ME1: variants seen among roughly 807,000 people sequenced by gnomAD.
ME1 encodes malic enzyme 1.
In ME1, 74 loss-of-function variants were observed where a neutral mutation model predicts 66.4. The ratio of observed to expected loss-of-function variants is 1.11; its 90% CI spans 0.92 to 1.35. The LOEUF is 1.35. ME1 is among the 40% of genes most tolerant of loss of function. The pLI, the probability that ME1 is intolerant of heterozygous loss-of-function variation, is 0.00. For missense variants in ME1, 750 were observed against 694.1 expected (o/e 1.08, Z -0.90); for synonymous variants, 251 against 235.6 (o/e 1.07, Z -0.60).
At chr6:83,348,864 C>T (rs1487788223) in intron 4 of ME1, among the ~76,000 whole-genome samples, 1 of 150,736 alleles carries the variant, frequency 6.6e-6, no homozygotes, top group African/African-American at 2.4e-5. Flanking sequence ...GGCGAGTAGC[C>T]TCCCAGCTAC....
intron 3 of ME1, among the ~76,000 whole-genome samples, chr6:83,396,192 C>T (rs867847691): frequency 6.6e-6 from 1 of 152,060 alleles, no homozygotes; most frequent in Middle Eastern, 3.4e-3. Context: ...GGTGAAACCC[C>T]ATCTCTACCA....
At chr6:83,419,184 T>C (rs554143524) in intron 1 of ME1, among the ~76,000 whole-genome samples, 1 of 152,318 alleles carries the variant, frequency 6.6e-6, no homozygotes, top group Non-Finnish European at 1.5e-5. Context: ...CATAAAAATG[T>C]TGTGAGTTTA....
At chr6:83,394,227 T>C (rs1286819450) in intron 3 of ME1, among the ~76,000 whole-genome samples, 1 of 152,080 alleles carries the variant, frequency 6.6e-6, no homozygotes, top group Admixed American at 6.5e-5. Flanking sequence ...GGATATGTGC[T>C]ATTAATGTAG....
intron 6 of ME1, among the ~76,000 whole-genome samples, chr6:83,274,795 C>T (rs1020810767): frequency 6.6e-6 from 1 of 152,170 alleles, no homozygotes; most frequent in African/African-American, 2.4e-5. Context: ...AAGAGATGCA[C>T]ATCACGATCA....
chr6:83,294,096 T>C (rs1042378530), intron 6 of ME1, among the ~76,000 whole-genome samples: 1 of 152,226 alleles, frequency 6.6e-6, no homozygotes, highest in African/African-American at 2.4e-5. Context: ...ATATTAAATA[T>C]GGGACATGGA....
At chr6:83,286,240 T>C (rs905702110) in intron 6 of ME1, among the ~76,000 whole-genome samples, 2 of 152,106 alleles carry the variant, frequency 1.3e-5, no homozygotes, top group Admixed American at 6.6e-5. Flanking sequence ...AGATAAATAA[T>C]TGTAAGTATC....
chr6:83,281,744 T>A (rs936442145), intron 6 of ME1, among the ~76,000 whole-genome samples: 1 of 130,586 alleles, frequency 7.7e-6, no homozygotes, highest in African/African-American at 3.0e-5. Context: ...AAACAGAAGT[T>A]GCAGTGAGCC....
At chr6:83,242,359 A>T (rs1452761626) in intron 7 of ME1, among the ~76,000 whole-genome samples, 2 of 152,230 alleles carry the variant, frequency 1.3e-5, no homozygotes, top group Non-Finnish European at 2.9e-5. Context: ...TCTGGTTAAA[A>T]TTACCATATA....
rs374491049 is a variant in ME1 at position 83,262,013 on chromosome 6, C to CAA, written c.705-8277_705-8276dup. 2.0e-3 allele frequency among the ~76,000 whole-genome samples: 154 copies of CAA among 77,048 alleles called. 2 individuals carry two copies. Among genetic ancestry groups the CAA allele is most frequent in the Middle Eastern group, 7.0e-3 (1 of 142 alleles). The allele number at this position is 77,048 out of a possible 152,430, so 50.5% of individuals were successfully genotyped here. Reference sequence around the variant, plus strand: ...TGGGCAACAGAGCGAGAATCCATCTCAAAAAAAAAAAAAAAAAGAAAAAAG... The same window carrying CAA: ...TGGGCAACAGAGCGAGAATCCATCTCAAAAAAAAAAAAAAAAAAAGAAAAAAG... On this transcript the variant is annotated intron_variant, in intron 6 of 13. Transcript: ENST00000369705.
intron 6 of ME1, among the ~76,000 whole-genome samples, chr6:83,313,792 C>T (rs1343159138): frequency 6.6e-6 from 1 of 152,026 alleles, no homozygotes; most frequent in Non-Finnish European, 1.5e-5. Context: ...TCAACTATTT[C>T]TATAAATAAG....
chr6:83,283,418 T>C (rs1344758904), intron 6 of ME1, among the ~76,000 whole-genome samples: 2 of 151,244 alleles, frequency 1.3e-5, no homozygotes, highest in African/African-American at 4.9e-5. Flanking sequence ...CCAGGACCTC[T>C]CATGGGGTGG....
chr6:83,392,359 G>A, intron 3 of ME1: 1 of 518,270 alleles, frequency 1.9e-6, no homozygotes, highest in Non-Finnish European at 3.8e-6. Context: ...GCACCGTCAA[G>A]GCTGAGAACA....
intron 6 of ME1, among the ~76,000 whole-genome samples, chr6:83,281,806 C>CAAAAAAAAAAAAAAAAAAAAAAAA (rs140157932): frequency 8.3e-4 from 11 of 13,286 alleles, no homozygotes; most frequent in Admixed American, 1.5e-3. Flanking sequence ...ACTCTGTCTC[C>CAAAAAAAAAAAAAAAAAAAAAAAA]AAAAAAAAAA....
chr6:83,316,334 A>G (rs1034912825), intron 5 of ME1, among the ~76,000 whole-genome samples: 1 of 152,182 alleles, frequency 6.6e-6, no homozygotes, highest in Non-Finnish European at 1.5e-5. Flanking sequence ...CTTTTATTAA[A>G]TCAGTTTTGA....
At chr6:83,345,150 C>A (rs1768663733) in intron 5 of ME1, among the ~76,000 whole-genome samples, 1 of 152,112 alleles carries the variant, frequency 6.6e-6, no homozygotes. Flanking sequence ...TAGGTACACA[C>A]CACCTCTCCT....
At chr6:83,237,447 A>AG (rs1790438217) in intron 9 of ME1, among the ~76,000 whole-genome samples, 1 of 147,360 alleles carries the variant, frequency 6.8e-6, no homozygotes, top group African/African-American at 2.6e-5. Context: ...AAGGAAGGAA[A>AG]GAAAGAAAGA....
chr6:83,321,735 T>C (rs1178184702), intron 5 of ME1, among the ~76,000 whole-genome samples: 8 of 152,186 alleles, frequency 5.3e-5, no homozygotes, highest in Non-Finnish European at 8.8e-5. Flanking sequence ...TTCAGCAGAC[T>C]TAAACTTTCC....
intron 1 of ME1, 62 bp from the exon 2 acceptor site, chr6:83,407,963 A>G (rs1403734873): frequency 6.7e-7 from 1 of 1,497,836 alleles, no homozygotes; most frequent in Non-Finnish European, 8.9e-7. Flanking sequence ...GACAAAAAGC[A>G]TACATATAAA....
At chr6:83,311,829 G>A (rs1486090292) in intron 6 of ME1, among the ~76,000 whole-genome samples, 1 of 152,120 alleles carries the variant, frequency 6.6e-6, no homozygotes, top group Non-Finnish European at 1.5e-5. Flanking sequence ...AAAGTGGGGT[G>A]TGTGTGGCTA....
Sources: gnomAD v4.1 joint callset for allele counts (sites outside exome capture counted in the v4.1 genomes callset) on GRCh38, gnomAD v4.1.1 for gene constraint, MANE v1.5 for transcripts, NCBI Gene and HGNC (gene_info 2026-07-23, HGNC 2026-07-21) for gene names.